Variants in EIF2S3 observed in about 807,000 individuals in gnomAD.
EIF2S3 encodes the protein eukaryotic translation initiation factor 2 subunit 3.
EIF2S3 carries 2 observed loss-of-function variants against 31.7 expected under a neutral mutation model. That is an observed-to-expected ratio of 0.06 (90% CI 0.03 to 0.20). The LOEUF (loss-of-function observed/expected upper bound fraction) is 0.20, where lower values mean the gene tolerates loss of function less well. EIF2S3 is among the 10% of genes least tolerant of loss of function. EIF2S3 has a pLI of 1.00. For missense variants in EIF2S3, 96 were observed against 359.3 expected (o/e 0.27, Z 5.92); for synonymous variants, 120 against 126.7 (o/e 0.95, Z 0.36).
In EIF2S3 at chrX:24,066,560, TC is replaced by T. The variant is rs769804299; in HGVS notation, c.867+469del. Among the ~76,000 whole-genome samples the T allele has an allele frequency of 3.7e-5, 4 of 108,012 alleles. No homozygotes were observed. The East Asian group carries it at 1.2e-3, about 31-fold the overall frequency. The allele number at this position is 108,012 out of a possible 115,157, so 93.8% of individuals were successfully genotyped here. A position where few individuals can be genotyped will look rare whatever the true frequency, so the allele number is the denominator to read the frequency against. On this transcript the variant is annotated intron_variant, in intron 8 of 11. Transcript: ENST00000253039. The stretch of plus-strand genomic sequence containing the variant: ...TTTCTTGAGGCGGAGTCTTGCTGTT[TC>T]GCCCAAGCTGGAGCGATCTCAGCTC...
chrX:24,076,702 CTT>C lies in EIF2S3; in HGVS notation c.1356-17_1356-16del. On this transcript the variant is annotated intron_variant, in intron 11 of 11. Transcript: ENST00000253039. Reference sequence around the variant, plus strand: ...GAAGTGGATGTAAGATTTATGATTTCTTTTATTTTCATTTTGCAGTTTAATTG... The same window carrying C: ...GAAGTGGATGTAAGATTTATGATTTCTTATTTTCATTTTGCAGTTTAATTG... 1 of 1,197,946 alleles carries C rather than the reference CTT, an allele frequency of 8.3e-7. No homozygotes were observed. The highest frequency in any genetic ancestry group is 1.1e-6 in the Non-Finnish European group (1 of 887,887).
intron 7 of EIF2S3, among the ~76,000 whole-genome samples, chrX:24,065,129 C>G (rs915209609): frequency 9.0e-6 from 1 of 111,541 alleles, no homozygotes; most frequent in Non-Finnish European, 1.9e-5. Flanking sequence ...CTCCGAAGTG[C>G]AGGTCATGTA....
rs1479545306 is a variant in EIF2S3, at chrX:24,057,716, G to T, written c.345G>T (p.Thr115=). The T allele has an allele frequency of 8.3e-7, 1 of 1,210,928 alleles. No homozygotes were observed. Among genetic ancestry groups the T allele is most frequent in the Admixed American group, 2.2e-5 (1 of 45,868 alleles). The change falls in exon 4 of 12, where the codon ACG becomes ACT. Residue 115 remains threonine (T), a synonymous_variant. Coordinates refer to ENST00000253039, the MANE Select transcript of EIF2S3 (RefSeq NM_001415.4). ...CGSSTPDEFP[T]DIPGTKGNFK... ...GCAGTACACCTGACGAGTTTCCTAC[G>T]GACATTCCAGGGACCAAAGGGAACT...
intron 9 of EIF2S3, among the ~76,000 whole-genome samples, chrX:24,070,365 A>G (rs772941090): frequency 2.9e-5 from 3 of 105,152 alleles, no homozygotes; most frequent in South Asian, 4.2e-4. Flanking sequence ...TGCTCCATCT[A>G]TATATCTTCT....
intron 11 of EIF2S3, among the ~76,000 whole-genome samples, chrX:24,076,069 T>G (rs1930749216): frequency 8.9e-6 from 1 of 111,751 alleles, no homozygotes; most frequent in Admixed American, 9.6e-5. Flanking sequence ...GTCCAGGAGA[T>G]TTATCTGAAT....
chrX:24,067,389 T>G (rs1930593566), intron 8 of EIF2S3, among the ~76,000 whole-genome samples: 1 of 111,118 alleles, frequency 9.0e-6, no homozygotes, highest in South Asian at 3.8e-4. Context: ...ACTTGAAAAT[T>G]TATAGACTTG....
rs765904157 is a variant in EIF2S3, at chrX:24,066,193, C to A, written c.867+101C>A. The A allele has an allele frequency of 3.6e-4, 197 of 554,215 alleles. No individual in the cohort carries two copies. In the African/African-American group the frequency reaches 4.1e-3, roughly 12 times the overall value. The allele number at this position is 554,215 out of a possible 1,213,427, so 45.7% of individuals were successfully genotyped here. A position where few individuals can be genotyped will look rare whatever the true frequency, so the allele number is the denominator to read the frequency against. On this transcript the variant is annotated intron_variant, in intron 8 of 11. Transcript: ENST00000253039. The stretch of plus-strand genomic sequence containing the variant: ...AATCAGGAAAAAAAGTATGGACAAT[C>A]CAAATTGAAAAATAAAATTTTTTCC...
intron 8 of EIF2S3, among the ~76,000 whole-genome samples, chrX:24,067,700 G>C (rs1930599750): frequency 9.2e-6 from 1 of 108,656 alleles, no homozygotes; most frequent in Admixed American, 1.0e-4. Flanking sequence ...TAGCAATTCT[G>C]CCGCAGCCTC....
chrX:24,062,260 A>G (rs1372894485), intron 5 of EIF2S3, among the ~76,000 whole-genome samples, 156 bp from the exon 6 acceptor site: 1 of 110,963 alleles, frequency 9.0e-6, no homozygotes, highest in East Asian at 2.8e-4. Flanking sequence ...ATCACCGCAA[A>G]AGGAAACCCC....
intron 3 of EIF2S3, 28 bp downstream of exon 3, chrX:24,057,576 CTAACTT>C (rs1185796886): frequency 8.3e-7 from 1 of 1,207,668 alleles, no homozygotes; most frequent in Non-Finnish European, 1.1e-6. Context: ...GAACGAGAAA[CTAACTT>C]TAATTGTTGT....
intron 4 of EIF2S3, among the ~76,000 whole-genome samples, chrX:24,059,306 AC>A (rs1930455276): frequency 8.9e-6 from 1 of 112,602 alleles, no homozygotes. Context: ...GATTAAAAAA[AC>A]AATTGTGACT....
chrX:24,075,681 CCTAA>C (rs1930743432), intron 11 of EIF2S3, among the ~76,000 whole-genome samples: 1 of 110,739 alleles, frequency 9.0e-6, no homozygotes, highest in Admixed American at 9.7e-5. Context: ...TGTTTTGTGC[CCTAA>C]CTGTCCCCAT....
At chrX:24,057,844 A>G in intron 4 of EIF2S3, 90 bp downstream of exon 4, 1 of 963,044 alleles carries the variant, frequency 1.0e-6, no homozygotes, top group Non-Finnish European at 1.4e-6. Context: ...TAAACGGTGA[A>G]CCTAATGGCT....
At chrX:24,068,205 T>C (rs909136293) in intron 9 of EIF2S3, 97 bp downstream of exon 9, 2 of 868,959 alleles carry the variant, frequency 2.3e-6, no homozygotes, top group Non-Finnish European at 3.2e-6. Context: ...AGATTTTTAA[T>C]TGGGTATTTT....
At chrX:24,066,751 T>C (rs1930581260) in intron 8 of EIF2S3, among the ~76,000 whole-genome samples, 1 of 111,674 alleles carries the variant, frequency 9.0e-6, no homozygotes, top group African/African-American at 3.3e-5. Flanking sequence ...TTACCTCAAG[T>C]GATCCACCCG....
intron 4 of EIF2S3, among the ~76,000 whole-genome samples, chrX:24,059,318 C>G (rs769571413): frequency 1.8e-5 from 2 of 112,201 alleles, no homozygotes; most frequent in Admixed American, 1.9e-4. Flanking sequence ...AATTGTGACT[C>G]TGAATGAATA....
intron 9 of EIF2S3, among the ~76,000 whole-genome samples, chrX:24,070,371 C>G (rs762908214): frequency 4.7e-5 from 5 of 105,553 alleles, no homozygotes; most frequent in African/African-American, 1.7e-4. Flanking sequence ...ATCTATATAT[C>G]TTCTTTCCCC....
At chrX:24,074,853 T>C (rs1447337390) in intron 11 of EIF2S3, among the ~76,000 whole-genome samples, 122 of 77,496 alleles carry the variant, frequency 1.6e-3, no homozygotes, top group Non-Finnish European at 2.5e-3. Context: ...ATCATTTTTT[T>C]TTCTTCTTCT....
intron 6 of EIF2S3, among the ~76,000 whole-genome samples, chrX:24,063,715 C>G (rs1350272395): frequency 9.1e-6 from 1 of 109,764 alleles, no homozygotes; most frequent in African/African-American, 3.3e-5. Flanking sequence ...GTGGAGGTTG[C>G]AACAAGCCGT....
Sources: gnomAD v4.1 joint callset for allele counts (sites outside exome capture counted in the v4.1 genomes callset) on GRCh38, gnomAD v4.1.1 for gene constraint, MANE v1.5 for transcripts, NCBI Gene and HGNC (gene_info 2026-07-23, HGNC 2026-07-21) for gene names.